TULP2: variants seen among roughly 807,000 people sequenced by gnomAD.
TULP2 encodes the protein tubby-related protein 2.
In TULP2, 64 loss-of-function variants were observed where a neutral mutation model predicts 60.3. That is an observed-to-expected ratio of 1.06 (90% CI 0.87 to 1.31). TULP2 has a LOEUF of 1.31. Ranked by LOEUF, TULP2 falls within the 50% of genes most tolerant of loss-of-function variation. The probability of loss-of-function intolerance (pLI) is 0.00; values close to 1 mark genes in which losing one functional copy is unlikely to be tolerated. For missense variants in TULP2, 652 were observed against 667.0 expected, an observed-to-expected ratio of 0.98 and a Z score of 0.25; for synonymous variants, 267 against 265.4, an observed-to-expected ratio of 1.01 and a Z score of -0.06.
chr19:48,886,077 C>T (rs545216315), intron 8 of TULP2, among the ~76,000 whole-genome samples: 8 of 151,828 alleles, frequency 5.3e-5, no homozygotes, highest in East Asian at 2.0e-4. Context: ...GAGGCCCAGG[C>T]GGGCAGATCA....
In TULP2 at chr19:48,882,069, A is replaced by G; in HGVS notation, c.1410T>C (p.Ala470=). The part of the protein sequence containing the change: ...TLNFHGRVTR[A]SVKNFQIVDP... Reference sequence around the variant, plus strand: ...CCACGATTTGGAAGTTCTTCACCGAAGCCCGAGTGACTCGACCATGGAAAT... The same window carrying G: ...CCACGATTTGGAAGTTCTTCACCGAGGCCCGAGTGACTCGACCATGGAAAT... Residue 470 remains alanine, a synonymous_variant, in exon 12 of 13, where the codon GCT becomes GCC. Transcript: ENST00000221399. The G allele has an allele frequency of 6.2e-7, 1 of 1,614,202 alleles. No homozygotes were observed. Among genetic ancestry groups the G allele is most frequent in the Non-Finnish European group, 8.5e-7 (1 of 1,180,048 alleles).
chr19:48,896,487 C>A lies in TULP2; in HGVS notation c.154G>T (p.Ala52Ser). The A allele has an allele frequency of 6.2e-7, 1 of 1,611,698 alleles. No homozygotes were observed. The highest frequency in any genetic ancestry group is 1.1e-5 in the South Asian group (1 of 90,588). ...ELLMVQANPD[A>S]SPWLWRSCLR... The stretch of plus-strand genomic sequence containing the variant: ...CAAGAGCGCCAAAGCCACGGGGAAG[C>A]GTCAGGATTGGCCTGAACCATGAGG... The change falls in exon 4 of 13, where the codon GCT becomes TCT. Residue 52 changes from alanine to serine, a missense_variant. Ala to Ser is a moderately conservative substitution (Grantham distance 99, BLOSUM62 1). Transcript: ENST00000221399.
At chr19:48,885,905 T>C (rs1191046845) in intron 8 of TULP2, among the ~76,000 whole-genome samples, 1 of 151,186 alleles carries the variant, frequency 6.6e-6, no homozygotes, top group African/African-American at 2.4e-5. Context: ...TAAAAAATAA[T>C]GAAAGAAAAA....
At chr19:48,886,767 ATT>A (rs200818027) in intron 8 of TULP2, among the ~76,000 whole-genome samples, 5 of 140,146 alleles carry the variant, frequency 3.6e-5, no homozygotes, top group East Asian at 2.1e-4. Context: ...GGTCCAGACT[ATT>A]TTTTTTTTTT....
At chr19:48,881,850 C>T in intron 12 of TULP2, 182 bp downstream of exon 12, 1 of 758,012 alleles carries the variant, frequency 1.3e-6, no homozygotes. Context: ...CTGAGCGGTG[C>T]CCTTACTAAG....
rs1424588815 is a variant in TULP2, at chr19:48,897,230, G to C, written c.84+115C>G. ...CTCATTTCTCAGTGGGAAAACTCAA[G>C]GATGAGAGACAGCCAACACGGGCTG... On this transcript the variant is annotated intron_variant, in intron 3 of 12. Coordinates refer to ENST00000221399, the MANE Select transcript of TULP2 (RefSeq NM_003323.3). This position sits in a 1 kb window ranked among gnomAD's most constrained non-coding sequence, Gnocchi z 4.0. The C allele has an allele frequency of 8.5e-7, 1 of 1,177,398 alleles. No individual in the cohort carries two copies. Among genetic ancestry groups the C allele is most frequent in the Non-Finnish European group, 1.2e-6 (1 of 807,372 alleles). The allele number at this position is 1,177,398 out of a possible 1,614,324, so 72.9% of individuals were successfully genotyped here.
chr19:48,886,089 G>A (rs369708916), intron 8 of TULP2, among the ~76,000 whole-genome samples: 4 of 151,778 alleles, frequency 2.6e-5, no homozygotes, highest in African/African-American at 2.4e-5. Context: ...GGCAGATCAC[G>A]AGGTAAGGAG....
intron 9 of TULP2, 29 bp downstream of exon 9, chr19:48,885,419 T>C (rs749571457): frequency 6.3e-7 from 1 of 1,595,954 alleles, no homozygotes; most frequent in Non-Finnish European, 8.6e-7. Context: ...TGCTACCTGC[T>C]CCTCACCACA....
intron 8 of TULP2, 105 bp from the exon 9 acceptor site, chr19:48,885,665 C>G: frequency 2.1e-6 from 2 of 959,390 alleles, no homozygotes; most frequent in Non-Finnish European, 3.2e-6. Context: ...GGGCAGATCA[C>G]TTGAGGACAG....
In TULP2 at chr19:48,898,018, G is replaced by A. The variant is rs1387164913; in HGVS notation, c.-1-149C>T. The A allele has an allele frequency of 4.0e-5, 23 of 576,938 alleles. No individual in the cohort carries two copies. In the East Asian group the frequency reaches 8.1e-4, roughly 20 times the overall value. 35.7% of individuals were successfully genotyped at this position (576,938 alleles called of 1,614,324 possible). On this transcript the variant is annotated intron_variant, in intron 1 of 12. Transcript: ENST00000221399. ...AGCTGAGCCTCGCTCTGTCGCCCAG[G>A]CTGCAGTGCAGTGGCGCCATCTCGG...
Position 48,897,701 on chromosome 19 carries a change from G to A in TULP2, c.32+136C>T, listed in dbSNP as rs780367646. 7 of 1,002,616 alleles carry A rather than the reference G, an allele frequency of 7.0e-6. No individual in the cohort carries two copies. The highest frequency in any genetic ancestry group is 9.5e-6 in the Non-Finnish European group (6 of 632,102). 62.1% of individuals were successfully genotyped at this position (1,002,616 alleles called of 1,614,324 possible). A position where few individuals can be genotyped will look rare whatever the true frequency, so the allele number is the denominator to read the frequency against. On this transcript the variant is annotated intron_variant, in intron 2 of 12. Coordinates refer to ENST00000221399, the MANE Select transcript of TULP2 (RefSeq NM_003323.3). This position sits in a 1 kb window ranked among gnomAD's most constrained non-coding sequence, Gnocchi z 4.0. ...CCTAGCCCCATCCCTTCAGGACACAGGAGTCCAGGTCCCCAGCCCCTTCCT... is the reference window on the plus strand; with the variant it reads ...CCTAGCCCCATCCCTTCAGGACACAAGAGTCCAGGTCCCCAGCCCCTTCCT...
At chr19:48,891,316 T>C (rs1318469420) in intron 6 of TULP2, among the ~76,000 whole-genome samples, 4 of 83,736 alleles carry the variant, frequency 4.8e-5, no homozygotes, top group Middle Eastern at 7.9e-3. Context: ...AGGGCGAGAC[T>C]CCGTCTCAAA....
In TULP2 at chr19:48,898,659, G is replaced by C. The variant is rs1317139920; in HGVS notation, c.-71C>G. The stretch of plus-strand genomic sequence containing the variant: ...GCGAAATAGGGAGGAGAAGAAAGAC[G>C]GCTCAGAGGGAGGGAGGATTCCCTC... On this transcript the variant is annotated 5_prime_UTR_variant, in exon 1 of 13. Coordinates refer to ENST00000221399, the MANE Select transcript of TULP2 (RefSeq NM_003323.3). 1 of 152,062 alleles carries C rather than the reference G, an allele frequency of 6.6e-6. No homozygotes were observed. Among genetic ancestry groups the C allele is most frequent in the Non-Finnish European group, 1.5e-5 (1 of 68,038 alleles). The allele number at this position is 152,062 out of a possible 1,614,324, so 9.4% of individuals were successfully genotyped here.
intron 8 of TULP2, among the ~76,000 whole-genome samples, chr19:48,887,612 C>G (rs1376410660): frequency 6.6e-6 from 1 of 151,874 alleles, no homozygotes; most frequent in Non-Finnish European, 1.5e-5. Context: ...GGCTGGAGTG[C>G]AGTGATGCAA....
Position 48,883,837 on chromosome 19 carries a change from C to T in TULP2, c.1192G>A (p.Gly398Arg). The T allele has an allele frequency of 6.2e-7, 1 of 1,614,106 alleles. No homozygotes were observed. The part of the protein sequence containing the change: ...GAVCYEPNVL[G>R]YLGPRKMTVI... Reference sequence around the variant, plus strand: ...GTCATTTTCCGAGGCCCCAGGTATCCTAAGACGTTGGGCTCCTGGGGGTAT... The same window carrying T: ...GTCATTTTCCGAGGCCCCAGGTATCTTAAGACGTTGGGCTCCTGGGGGTAT... The change falls in exon 11 of 13, where the codon GGA becomes AGA. Residue 398 changes from glycine to arginine, a missense_variant. Coordinates refer to ENST00000221399, the MANE Select transcript of TULP2 (RefSeq NM_003323.3).
chr19:48,897,634 G>A lies in TULP2; in HGVS notation c.32+203C>T, dbSNP rs894333328. On this transcript the variant is annotated intron_variant, in intron 2 of 12. Transcript: ENST00000221399. This position sits in a 1 kb window ranked among gnomAD's most constrained non-coding sequence, Gnocchi z 4.0. The stretch of plus-strand genomic sequence containing the variant: ...CTCCTGTCTCAGGATTCAGGAGTCT[G>A]GGGCCCCCAACCCCTTCTCTTTCAG... Among the ~76,000 whole-genome samples the A allele has an allele frequency of 6.6e-6, 1 of 152,146 alleles. No individual in the cohort carries two copies. The highest frequency in any genetic ancestry group is 2.4e-5 in the African/African-American group (1 of 41,434).
intron 6 of TULP2, among the ~76,000 whole-genome samples, chr19:48,891,221 G>A (rs1055425017): frequency 6.6e-5 from 10 of 152,050 alleles, no homozygotes; most frequent in Admixed American, 5.2e-4. Context: ...CTACTTGGGA[G>A]GCTGAGGCAG....
chr19:48,888,628 C>A (rs2037205164), intron 7 of TULP2, among the ~76,000 whole-genome samples: 1 of 152,066 alleles, frequency 6.6e-6, no homozygotes, highest in Non-Finnish European at 1.5e-5. Context: ...TGGCCCTTTT[C>A]TTTTATTTTT....
Position 48,882,033 on chromosome 19 carries a change from G to A in TULP2, c.1446C>T (p.His482=). 2 of 1,614,212 alleles carry A rather than the reference G, an allele frequency of 1.2e-6. No individual in the cohort carries two copies. The highest frequency in any genetic ancestry group is 1.7e-6 in the Non-Finnish European group (2 of 1,180,046). ...CTAAACTGGTTTCCAGGAGCTCACG[G>A]TGTTTGGGATCCACGATTTGGAAGT... ...VKNFQIVDPK[H]QEHLVLQFGR... is the part of the protein sequence containing the mutation. The change falls in exon 12 of 13, where the codon CAC becomes CAT. Residue 482 remains histidine, a splice_region_variant and synonymous_variant. Coordinates refer to ENST00000221399, the MANE Select transcript of TULP2 (RefSeq NM_003323.3).
Sources: gnomAD v4.1 joint callset for allele counts (sites outside exome capture counted in the v4.1 genomes callset) on GRCh38, gnomAD v4.1.1 for gene constraint, Gnocchi (gnomAD v3.1) non-coding constraint, MANE v1.5 for transcripts, NCBI Gene and HGNC (gene_info 2026-07-23, HGNC 2026-07-21) for gene names.